Variants in MYO16 observed in about 807,000 individuals in gnomAD.
MYO16 encodes the protein myosin XVI, also known as unconventional myosin-XVI.
In MYO16, 94 loss-of-function variants were observed where a neutral mutation model predicts 205.3. That is an observed-to-expected ratio of 0.46 (90% CI 0.39 to 0.54). The LOEUF (loss-of-function observed/expected upper bound fraction) is 0.54, where lower values mean the gene tolerates loss of function less well. MYO16 is among the 20% of genes least tolerant of loss of function. The probability of loss-of-function intolerance (pLI) is 0.00; values close to 1 mark genes in which losing one functional copy is unlikely to be tolerated. For missense variants in MYO16, 2,315 were observed against 2,387.5 expected (o/e 0.97, Z 0.63); for synonymous variants, 988 against 954.0 (o/e 1.04, Z -0.66).
chr13:108,682,704 G>C (rs549214591), intron 2 of MYO16, among the ~76,000 whole-genome samples: 1 of 152,122 alleles, frequency 6.6e-6, no homozygotes, highest in African/African-American at 2.4e-5. Context: ...GCATGGAAGG[G>C]TCAGTGATGT....
At chr13:109,175,342 A>G (rs1189316302) in intron 33 of MYO16, among the ~76,000 whole-genome samples, 1 of 152,090 alleles carries the variant, frequency 6.6e-6, no homozygotes, top group Non-Finnish European at 1.5e-5. Flanking sequence ...AGCCTTTTCG[A>G]CTTTTGCCCA....
chr13:108,639,025 C>T (rs577384556), intron 1 of MYO16, among the ~76,000 whole-genome samples: 1 of 152,262 alleles, frequency 6.6e-6, no homozygotes, highest in East Asian at 1.9e-4. Context: ...GAAAGAAGAA[C>T]AATGTGCAGT....
At chr13:108,948,154 G>T (rs1305319579) in intron 16 of MYO16, among the ~76,000 whole-genome samples, 1 of 152,216 alleles carries the variant, frequency 6.6e-6, no homozygotes, top group East Asian at 1.9e-4. Context: ...AAGTGAGGGT[G>T]CATGGGCAAA....
At chr13:109,130,665 T>G (rs1479746336) in intron 31 of MYO16, among the ~76,000 whole-genome samples, 6 of 152,194 alleles carry the variant, frequency 3.9e-5, no homozygotes, top group Admixed American at 3.9e-4. Flanking sequence ...CCACACGTGA[T>G]AAGCCAGCTG....
At chr13:108,968,303 T>C (rs1883875290) in intron 20 of MYO16, among the ~76,000 whole-genome samples, 1 of 152,078 alleles carries the variant, frequency 6.6e-6, no homozygotes, top group Admixed American at 6.6e-5. Context: ...CTTAATTGAT[T>C]GAGGAATAAG....
chr13:108,871,375 T>C (rs1879054933), intron 12 of MYO16, among the ~76,000 whole-genome samples: 1 of 150,970 alleles, frequency 6.6e-6, no homozygotes, highest in South Asian at 2.1e-4. Context: ...TGTGTGTTGG[T>C]TTTACATATA....
intron 20 of MYO16, among the ~76,000 whole-genome samples, chr13:108,977,112 A>T (rs1176049678): frequency 1.3e-5 from 2 of 152,198 alleles, no homozygotes; most frequent in East Asian, 1.9e-4. Context: ...ACTAAGAATT[A>T]CAGAAACGCT....
chr13:108,930,638 C>G (rs768569353), intron 16 of MYO16, among the ~76,000 whole-genome samples: 1 of 152,016 alleles, frequency 6.6e-6, no homozygotes, highest in Non-Finnish European at 1.5e-5. Flanking sequence ...GCTAAGTTCC[C>G]AAGGAGATAC....
chr13:108,587,298 T>C, the MYO16 span, among the ~76,000 whole-genome samples: 1 of 152,184 alleles, frequency 6.6e-6, no homozygotes. Context: ...CTTGATATTA[T>C]CTGAGTGGAC....
intron 2 of MYO16, among the ~76,000 whole-genome samples, chr13:108,684,137 G>A (rs12429737): frequency 0.043 from 6,587 of 152,318 alleles, 221 homozygotes; most frequent in South Asian, 0.15. Flanking sequence ...GCCTCCCGAA[G>A]TGCTGGGATT....
rs144054275 is a variant in MYO16, at chr13:108,925,212, T to C, written c.1925+15062T>C. Among the ~76,000 whole-genome samples the C allele has an allele frequency of 1.7e-3, 253 of 152,326 alleles. No homozygotes were observed. The East Asian group carries it at 0.021, about 12-fold the overall frequency. ...ATCTCTCTGTGGGCATCCTTTAAGATGTTTAACTTATCTTTTAAAACAATG... is the reference window on the plus strand; with the variant it reads ...ATCTCTCTGTGGGCATCCTTTAAGACGTTTAACTTATCTTTTAAAACAATG... On this transcript the variant is annotated intron_variant, in intron 16 of 34. Transcript: ENST00000457511.
At chr13:109,196,646 C>G (rs375864602) in intron 34 of MYO16, among the ~76,000 whole-genome samples, 3 of 152,224 alleles carry the variant, frequency 2.0e-5, no homozygotes, top group African/African-American at 7.2e-5. Context: ...CTGACAGGAG[C>G]TTGTTTATGA....
chr13:109,045,951 A>G (rs1887027209), intron 23 of MYO16, among the ~76,000 whole-genome samples: 1 of 151,550 alleles, frequency 6.6e-6, no homozygotes, highest in African/African-American at 2.4e-5. Flanking sequence ...ATACTCCCGC[A>G]TGGCCGAGGC....
chr13:108,860,069 C>T (rs9559427), intron 11 of MYO16, among the ~76,000 whole-genome samples: 13,492 of 151,458 alleles, frequency 0.089, 781 homozygotes, highest in Non-Finnish European at 0.12. Flanking sequence ...TACAGGTAAA[C>T]ACGTGTCATA....
At chr13:108,652,638 G>A (rs1037785387) in intron 1 of MYO16, among the ~76,000 whole-genome samples, 14 of 152,130 alleles carry the variant, frequency 9.2e-5, no homozygotes, top group Non-Finnish European at 4.4e-5. Context: ...CCTCATATAA[G>A]TGGAATCCTA....
intron 2 of MYO16, among the ~76,000 whole-genome samples, chr13:108,668,518 G>A (rs564400576): frequency 9.9e-5 from 15 of 152,184 alleles, no homozygotes; most frequent in African/African-American, 3.4e-4. Context: ...TATGGGCTTC[G>A]GTGAGATGAA....
chr13:108,996,838 AT>A (rs1436272240), intron 21 of MYO16, among the ~76,000 whole-genome samples: 1 of 152,216 alleles, frequency 6.6e-6, no homozygotes, highest in African/African-American at 2.4e-5. Context: ...TAAACATGTT[AT>A]TATAGAGCTC....
intron 16 of MYO16, among the ~76,000 whole-genome samples, chr13:108,933,517 GTA>G (rs1882350958): frequency 6.6e-6 from 1 of 151,598 alleles, no homozygotes; most frequent in African/African-American, 2.4e-5. Flanking sequence ...GTGTGTGTGT[GTA>G]TGTGTGTGTG....
intron 1 of MYO16, among the ~76,000 whole-genome samples, chr13:108,637,318 A>T (rs1386393767): frequency 6.6e-6 from 1 of 152,036 alleles, no homozygotes. Context: ...CTGTTGTTCT[A>T]CTTGGGTACC....
Sources: gnomAD v4.1 joint callset for allele counts (sites outside exome capture counted in the v4.1 genomes callset) on GRCh38, gnomAD v4.1.1 for gene constraint, MANE v1.5 for transcripts, NCBI Gene and HGNC (gene_info 2026-07-23, HGNC 2026-07-21) for gene names.